The following ZNF708 variants were observed in gnomAD, a reference collection of about 807,000 sequenced individuals.
ZNF708 encodes ZNF15, ZNF15L1.
In ZNF708, 44 loss-of-function variants were observed where a neutral mutation model predicts 47.0. The ratio of observed to expected loss-of-function variants is 0.94; its 90% CI spans 0.74 to 1.20. The LOEUF (loss-of-function observed/expected upper bound fraction) is 1.20. ZNF708 is among the 50% of genes most tolerant of loss of function. The probability of loss-of-function intolerance (pLI) is 0.00; values close to 1 mark genes in which losing one functional copy is unlikely to be tolerated. For missense variants in ZNF708, 557 were observed against 656.0 expected (o/e 0.85, Z 1.65); for synonymous variants, 184 against 218.5 (o/e 0.84, Z 1.39).
At chr19:21,298,652 T>C (rs76553747) in intron 3 of ZNF708, among the ~76,000 whole-genome samples, 2 of 149,072 alleles carry the variant, frequency 1.3e-5, no homozygotes, top group South Asian at 2.1e-4. Context: ...ATGACAAAGC[T>C]ACATAATAAA....
intron 1 of ZNF708, among the ~76,000 whole-genome samples, chr19:21,326,057 G>C (rs1407978001): frequency 6.6e-6 from 1 of 152,136 alleles, no homozygotes; most frequent in East Asian, 1.9e-4. Context: ...AAAAAATCAA[G>C]AAACAGTAGA....
At chr19:21,301,458 C>CA (rs1289151641) in intron 3 of ZNF708, among the ~76,000 whole-genome samples, 1 of 151,176 alleles carries the variant, frequency 6.6e-6, no homozygotes, top group East Asian at 2.0e-4. Flanking sequence ...ACTAAAAATA[C>CA]AAAAAAAATT....
At chr19:21,301,197 C>A (rs1368393822) in intron 3 of ZNF708, among the ~76,000 whole-genome samples, 13 of 152,026 alleles carry the variant, frequency 8.6e-5, no homozygotes, top group Non-Finnish European at 5.9e-5. Flanking sequence ...AACCTGAGAG[C>A]CAGGCACGGT....
Position 21,293,253 on chromosome 19 carries a change from T to C in ZNF708, c.*21A>G. On this transcript the variant is annotated 3_prime_UTR_variant, in exon 4 of 4. Transcript: ENST00000356929. ...CTTGTGTTTTAATAAAAGTTGAAAA[T>C]ACACTAAAGGATTTGACACATTATT... 1 of 1,584,636 alleles carries C rather than the reference T, an allele frequency of 6.3e-7. No homozygotes were observed. Among genetic ancestry groups the C allele is most frequent in the Non-Finnish European group, 8.6e-7 (1 of 1,167,930 alleles).
At chr19:21,324,063 CGTT>C (rs1411018644) in intron 1 of ZNF708, among the ~76,000 whole-genome samples, 1 of 142,260 alleles carries the variant, frequency 7.0e-6, no homozygotes, top group African/African-American at 2.7e-5. Context: ...CATGGTGAAA[CGTT>C]GTCTCTACTA....
At position 21,293,266 on chromosome 19, in the gene ZNF708, T is replaced by A. The variant is rs1399288210; in HGVS notation, c.*8A>T. 1.3e-6 allele frequency: 2 copies of A among 1,597,838 alleles called. No homozygotes were observed. Among genetic ancestry groups the A allele is most frequent in the Non-Finnish European group, 1.7e-6 (2 of 1,174,014 alleles). ...AAAAGTTGAAAATACACTAAAGGATTTGACACATTATTTACATTTGTAGGG... is the reference window on the plus strand; with the variant it reads ...AAAAGTTGAAAATACACTAAAGGATATGACACATTATTTACATTTGTAGGG... On this transcript the variant is annotated 3_prime_UTR_variant, in exon 4 of 4. Transcript: ENST00000356929.
chr19:21,317,489 C>A lies in ZNF708; in HGVS notation c.4-6862G>T, dbSNP rs554042546. ...GACTGGAATCCTGAGAGGGAAAGGC[C>A]CTTCTAGAGTAAAGCTTGGTTGACA... On this transcript the variant is annotated intron_variant, in intron 1 of 3. Coordinates refer to ENST00000356929, the MANE Select transcript of ZNF708 (RefSeq NM_021269.3). 2.6e-5 allele frequency among the ~76,000 whole-genome samples: 4 copies of A among 152,062 alleles called. No homozygotes were observed. The South Asian group carries it at 8.3e-4, about 32-fold the overall frequency.
Position 21,293,528 on chromosome 19 carries a change from C to A in ZNF708, c.1438G>T (p.Glu480Ter), listed in dbSNP as rs531623115. 2.5e-6 allele frequency: 4 copies of A among 1,612,968 alleles called. No homozygotes were observed. The highest frequency in any genetic ancestry group is 1.7e-5 in the Admixed American group (1 of 59,914). ...HTGEKPYKCE[E>*]CGKSFILSSH... ...GACAGAATAAAGCTTTTGCCACATT[C>A]TTCACACTTATAGGGTTTCTCTCCA... is the stretch of plus-strand genomic sequence containing the variant. The change falls in exon 4 of 4, where the codon GAA (glutamate) becomes TAA (stop). Residue 480 changes from glutamate to a stop codon, truncating the protein, a stop_gained. Transcript: ENST00000356929. LOFTEE classifies it high-confidence loss of function.
At chr19:21,312,058 G>A (rs1270589137) in intron 1 of ZNF708, among the ~76,000 whole-genome samples, 1 of 152,058 alleles carries the variant, frequency 6.6e-6, no homozygotes, top group Non-Finnish European at 1.5e-5. Context: ...ACTTTGGGGG[G>A]CCAAGGGGGG....
rs745446675 is a variant in ZNF708 at position 21,293,375 on chromosome 19, G to A, written c.1591C>T (p.Pro531Ser). 1 of 1,613,600 alleles carries A rather than the reference G, an allele frequency of 6.2e-7. No homozygotes were observed. Among genetic ancestry groups the A allele is most frequent in the Non-Finnish European group, 8.5e-7 (1 of 1,179,838 alleles). Reference protein sequence around the residue: ...KHKIIHTGEKPYKCEECGKAF... With the variant: ...KHKIIHTGEKSYKCEECGKAF... ...TTGCCACATTCTTCACATTTGTAGGGTTTCTCTCCAGTATGAATTATCTTA... is the reference window on the plus strand; with the variant it reads ...TTGCCACATTCTTCACATTTGTAGGATTTCTCTCCAGTATGAATTATCTTA... Residue 531 changes from proline (P) to serine (S), a missense_variant, in exon 4 of 4, where the codon CCC (proline) becomes TCC (serine). Pro to Ser is a moderately conservative substitution (Grantham distance 74). Transcript: ENST00000356929.
intron 3 of ZNF708, among the ~76,000 whole-genome samples, chr19:21,302,875 GA>G (rs975701374): frequency 7.3e-5 from 11 of 150,046 alleles, no homozygotes; most frequent in East Asian, 1.9e-4. Context: ...CAAGAAATGA[GA>G]AAAAAAAATC....
chr19:21,298,814 C>T (rs1972596433), intron 3 of ZNF708, among the ~76,000 whole-genome samples: 1 of 152,134 alleles, frequency 6.6e-6, no homozygotes, highest in South Asian at 2.1e-4. Context: ...AAAAGCAATG[C>T]AAATTTCTGT....
In ZNF708 at chr19:21,302,523, A is replaced by G. The variant is rs971580650; in HGVS notation, c.226+6723T>C. 2.0e-5 allele frequency among the ~76,000 whole-genome samples: 3 copies of G among 151,726 alleles called. No homozygotes were observed. The South Asian group carries it at 6.3e-4, about 32-fold the overall frequency. ...GACCAGACTGCCCAACATGGCAAAAACCCATCTCTACTAAAAATACAAAAA... is the reference window on the plus strand; with the variant it reads ...GACCAGACTGCCCAACATGGCAAAAGCCCATCTCTACTAAAAATACAAAAA... On this transcript the variant is annotated intron_variant, in intron 3 of 3. Coordinates refer to ENST00000356929, the MANE Select transcript of ZNF708 (RefSeq NM_021269.3).
At chr19:21,322,304 CT>C (rs141217085) in intron 1 of ZNF708, among the ~76,000 whole-genome samples, 5 of 148,024 alleles carry the variant, frequency 3.4e-5, no homozygotes, top group East Asian at 2.0e-4. Context: ...TCTTTCTTTC[CT>C]TTTTTTTTTC....
At chr19:21,319,508 G>C (rs2997216) in intron 1 of ZNF708, among the ~76,000 whole-genome samples, 12 of 151,808 alleles carry the variant, frequency 7.9e-5, no homozygotes, top group African/African-American at 2.7e-4. Flanking sequence ...GGCTGGAGAG[G>C]AATGGTGTGA....
chr19:21,297,960 AGTGTGTGTGTGTGTGTGT>A (rs66590988), intron 3 of ZNF708, among the ~76,000 whole-genome samples: 1 of 149,848 alleles, frequency 6.7e-6, no homozygotes, highest in Non-Finnish European at 1.5e-5. Flanking sequence ...ACAAATGACT[AGTGTGTGTGTGTGTGTGT>A]GTGTGTGTGT....
At chr19:21,303,662 A>G (rs1972702259) in intron 3 of ZNF708, among the ~76,000 whole-genome samples, 1 of 152,066 alleles carries the variant, frequency 6.6e-6, no homozygotes. Context: ...GCTGCCTACA[A>G]GAGACTGGTT....
At chr19:21,297,847 C>T (rs1423592252) in intron 3 of ZNF708, among the ~76,000 whole-genome samples, 1 of 151,930 alleles carries the variant, frequency 6.6e-6, no homozygotes, top group Non-Finnish European at 1.5e-5. Context: ...ACACAAGCTA[C>T]ATCTTAAGTC....
intron 3 of ZNF708, 25 bp downstream of exon 3, chr19:21,309,221 A>T: frequency 6.4e-7 from 1 of 1,563,138 alleles, no homozygotes; most frequent in South Asian, 1.1e-5. Flanking sequence ...CATCTGTGTC[A>T]TCTGTTGTGT....
Sources: gnomAD v4.1 joint callset for allele counts (sites outside exome capture counted in the v4.1 genomes callset) on GRCh38, gnomAD v4.1.1 for gene constraint, MANE v1.5 for transcripts, NCBI Gene and HGNC (gene_info 2026-07-23, HGNC 2026-07-21) for gene names.